FAM83G: variants seen among roughly 807,000 people sequenced by gnomAD.
The protein encoded by FAM83G is scaffolding CK1 anchoring protein G, also known as protein FAM83G.
Under a neutral mutation model 61.5 loss-of-function variants are expected in FAM83G, and 38 were observed. The observed-to-expected ratio is 0.62, with a 90% CI of 0.48 to 0.81. The LOEUF is 0.81. FAM83G is among the 30% of genes least tolerant of loss of function. The pLI is 0.00. For synonymous variants in FAM83G, 470 were observed against 476.1 expected, an observed-to-expected ratio of 0.99 and a Z score of 0.17; for missense variants, 989 against 1,133.6, an observed-to-expected ratio of 0.87 and a Z score of 1.83.
chr17:18,972,910 A>G (rs1441617122), intron 5 of FAM83G, among the ~76,000 whole-genome samples: 1 of 151,204 alleles, frequency 6.6e-6, no homozygotes, highest in African/African-American at 2.4e-5. Context: ...AGGAGCTATC[A>G]GAAGCTCTGG....
At position 18,971,646 on chromosome 17, in the gene FAM83G, T is replaced by C. The variant is rs1378403332; in HGVS notation, c.2185A>G (p.Ser729Gly). The C allele has an allele frequency of 6.2e-7, 1 of 1,613,226 alleles. No individual in the cohort carries two copies. Among genetic ancestry groups the C allele is most frequent in the East Asian group, 2.2e-5 (1 of 44,866 alleles). Residue 729 changes from serine (S) to glycine (G), a missense_variant, in exon 6 of 6, where the codon AGC (serine) becomes GGC (glycine). Ser to Gly is a moderately conservative substitution (Grantham distance 56, BLOSUM62 0). Around this residue, in one of 3 missense-constraint regions of FAM83G, gnomAD observed 574 missense variants for 645.1 expected, o/e 0.89. Transcript: ENST00000388995. The surrounding 1 kb of genome is among the most constrained non-coding windows in gnomAD (Gnocchi z 5.5). ...GCTGGGCCAGCGTTTCTGGTAGAGC[T>C]CTGGACGCTGTCAGCAGCAGAGCGG... is the stretch of plus-strand genomic sequence containing the variant. ...RYRSAADSVQ[S>G]STRNAGPAMA... is the part of the protein sequence containing the mutation.
chr17:18,991,631 G>T (rs2043427451), intron 2 of FAM83G, among the ~76,000 whole-genome samples: 1 of 152,210 alleles, frequency 6.6e-6, no homozygotes, highest in South Asian at 2.1e-4. Flanking sequence ...GCAGGAACCA[G>T]CCATGTCCAT....
chr17:18,972,953 C>A (rs1364862555), intron 5 of FAM83G, among the ~76,000 whole-genome samples: 1 of 152,166 alleles, frequency 6.6e-6, no homozygotes, highest in Admixed American at 6.5e-5. Context: ...ATCTGTAACA[C>A]GTGGTCCTCA....
At chr17:18,998,445 G>A (rs1643909037) in intron 2 of FAM83G, among the ~76,000 whole-genome samples, 1 of 152,232 alleles carries the variant, frequency 6.6e-6, no homozygotes, top group Non-Finnish European at 1.5e-5. Context: ...TCCAGGTCCA[G>A]CCACACCTAA....
intron 4 of FAM83G, chr17:18,979,165 G>A (rs2043064930): frequency 2.0e-6 from 1 of 495,354 alleles, no homozygotes; most frequent in South Asian, 2.4e-5. Context: ...GGCCGCTGCT[G>A]CCATGCGTCT....
At chr17:18,985,871 G>A (rs2043257176) in intron 3 of FAM83G, among the ~76,000 whole-genome samples, 1 of 152,248 alleles carries the variant, frequency 6.6e-6, no homozygotes, top group Non-Finnish European at 1.5e-5. Context: ...GGGTGGAACA[G>A]GGCAGGCCTC....
At chr17:18,991,515 G>A (rs946787417) in intron 2 of FAM83G, among the ~76,000 whole-genome samples, 3 of 152,166 alleles carry the variant, frequency 2.0e-5, no homozygotes, top group African/African-American at 7.2e-5. Flanking sequence ...AAATGAGAGG[G>A]GAGGCTGACT....
intron 2 of FAM83G, among the ~76,000 whole-genome samples, 164 bp from the exon 3 acceptor site, chr17:18,988,578 G>A (rs1156680878): frequency 6.6e-6 from 1 of 152,238 alleles, no homozygotes; most frequent in Non-Finnish European, 1.5e-5. Flanking sequence ...GAGGGGCCAG[G>A]GGCCTCTCTT....
chr17:18,971,032 T>C lies in FAM83G; in HGVS notation c.*327A>G. 1 of 1,613,920 alleles carries C rather than the reference T, an allele frequency of 6.2e-7. No individual in the cohort carries two copies. The highest frequency in any genetic ancestry group is 1.1e-5 in the South Asian group (1 of 91,078). On this transcript the variant is annotated 3_prime_UTR_variant, in exon 6 of 6. Coordinates refer to ENST00000388995, the MANE Select transcript of FAM83G (RefSeq NM_001039999.3). The surrounding 1 kb of genome is among the most constrained non-coding windows in gnomAD (Gnocchi z 5.5). ...CTCCAGCTTTTGACCAGATCGGTGG[T>C]TACGGGCAGCTGGAGGCAGCCTACG...
chr17:18,978,144 G>A lies in FAM83G; in HGVS notation c.1522C>T (p.Arg508Trp), dbSNP rs373158765. The A allele has an allele frequency of 9.8e-6, 15 of 1,529,906 alleles. No individual in the cohort carries two copies. Among genetic ancestry groups the A allele is most frequent in the Middle Eastern group, 1.8e-4 (1 of 5,670 alleles). The allele number at this position is 1,529,906 out of a possible 1,614,324, so 94.8% of individuals were successfully genotyped here. The change falls in exon 5 of 6, where the codon CGG becomes TGG. Residue 508 changes from arginine (R) to tryptophan (W), a missense_variant. Arg to Trp is a moderately radical substitution (Grantham distance 101). Transcript: ENST00000388995. ...PEPLPPVPKP[R>W]TVPVADVLAR... ...AGTACATCTGCCACAGGGACTGTCCGGGGCTTGGGCACGGGGGGCAATGGC... is the reference window on the plus strand; with the variant it reads ...AGTACATCTGCCACAGGGACTGTCCAGGGCTTGGGCACGGGGGGCAATGGC...
At chr17:19,005,765 A>G (rs1464399399), upstream of FAM83G, among the ~76,000 whole-genome samples, 1 of 151,794 alleles carries the variant, frequency 6.6e-6, no homozygotes, top group Admixed American at 6.6e-5. Flanking sequence ...GGTCCCCATC[A>G]CTGACCCCTC....
chr17:18,969,022 A>C lies in FAM83G; in HGVS notation c.*2337T>G. Reference sequence around the variant, plus strand: ...GGCTTGCTGGAGCCCTGGGAATAACAGTCCCACACAAGGCTCTCTCCCTCC... The same window carrying C: ...GGCTTGCTGGAGCCCTGGGAATAACCGTCCCACACAAGGCTCTCTCCCTCC... On this transcript the variant is annotated 3_prime_UTR_variant, in exon 6 of 6. Coordinates refer to ENST00000388995, the MANE Select transcript of FAM83G (RefSeq NM_001039999.3). 2 of 1,593,698 alleles carry C rather than the reference A, an allele frequency of 1.3e-6. No individual in the cohort carries two copies. Among genetic ancestry groups the C allele is most frequent in the Non-Finnish European group, 1.7e-6 (2 of 1,170,018 alleles).
In FAM83G at chr17:18,977,454, C is replaced by T. The variant is rs974349797; in HGVS notation, c.2082+130G>A. On this transcript the variant is annotated intron_variant, in intron 5 of 5. Transcript: ENST00000388995. ...CACCCCTGCCTGTTCATCAAGTTTCCCCATCTGTAACAAGGGAATTGAAGT... is the reference window on the plus strand; with the variant it reads ...CACCCCTGCCTGTTCATCAAGTTTCTCCATCTGTAACAAGGGAATTGAAGT... 1.1e-5 allele frequency: 10 copies of T among 942,512 alleles called. No individual in the cohort carries two copies. In the Admixed American group the frequency reaches 2.6e-4, roughly 24 times the overall value. 58.4% of individuals were successfully genotyped at this position (942,512 alleles called of 1,614,324 possible).
chr17:18,982,752 C>A (rs951111127), intron 3 of FAM83G, among the ~76,000 whole-genome samples: 1 of 152,290 alleles, frequency 6.6e-6, no homozygotes, highest in East Asian at 1.9e-4. Context: ...CCCGCTGGTG[C>A]GAGGCAGAGG....
chr17:19,002,818 G>A (rs1470613161), intron 2 of FAM83G, among the ~76,000 whole-genome samples: 1 of 152,162 alleles, frequency 6.6e-6, no homozygotes, highest in Non-Finnish European at 1.5e-5. Context: ...GCCCAACAGG[G>A]GTGGAGAAGG....
rs1242344397 is a variant in FAM83G at position 19,000,640 on chromosome 17, C to A, written c.522+2880G>T. ...GAAGGCTGGGCTGTCCTGACTCAGC[C>A]CCAGCAGCCCCAGCCTAAAGCCCCC... On this transcript the variant is annotated intron_variant, in intron 2 of 5. Transcript: ENST00000388995. This position sits in a 1 kb window ranked among gnomAD's most constrained non-coding sequence, Gnocchi z 5.2. Among the ~76,000 whole-genome samples, 1 of 152,160 alleles carries A rather than the reference C, an allele frequency of 6.6e-6. No individual in the cohort carries two copies. The highest frequency in any genetic ancestry group is 2.4e-5 in the African/African-American group (1 of 41,430).
chr17:18,976,290 A>C (rs1441883150), intron 5 of FAM83G: 1 of 152,362 alleles, frequency 6.6e-6, no homozygotes, highest in Admixed American at 6.5e-5. Context: ...CATTCTGCAA[A>C]TCTGGAAAGG....
At position 18,970,553 on chromosome 17, in the gene FAM83G, C is replaced by CCACCAGCCA. The variant is rs1254158443; in HGVS notation, c.*797_*805dup. 1 of 182,358 alleles carries CCACCAGCCA rather than the reference C, an allele frequency of 5.5e-6. No individual in the cohort carries two copies. Among genetic ancestry groups the CCACCAGCCA allele is most frequent in the Non-Finnish European group, 1.2e-5 (1 of 85,742 alleles). The allele number at this position is 182,358 out of a possible 1,614,324, so 11.3% of individuals were successfully genotyped here. A position where few individuals can be genotyped will look rare whatever the true frequency, so the allele number is the denominator to read the frequency against. On this transcript the variant is annotated 3_prime_UTR_variant, in exon 6 of 6. Coordinates refer to ENST00000388995, the MANE Select transcript of FAM83G (RefSeq NM_001039999.3). ...TGCCTCAGGGGGTGGGGCCACATCA[C>CCACCAGCCA]CACCAGCCACTCTCAGCTCTGCTAA...
chr17:19,002,402 C>T (rs1431570647), intron 2 of FAM83G, among the ~76,000 whole-genome samples: 1 of 152,218 alleles, frequency 6.6e-6, no homozygotes, highest in African/African-American at 2.4e-5. Flanking sequence ...CAGTTCTTGA[C>T]CCACGTCTGG....
Sources: allele counts gnomAD v4.1 joint callset (sites outside exome capture counted in the v4.1 genomes callset), GRCh38; gene constraint gnomAD v4.1.1; regional missense constraint gnomAD v4.1.1; non-coding constraint Gnocchi (gnomAD v3.1); transcripts MANE v1.5; gene names NCBI Gene and HGNC (gene_info 2026-07-23, HGNC 2026-07-21).